TUT4: variants seen among roughly 807,000 people sequenced by gnomAD.
The protein encoded by TUT4 is terminal uridylyltransferase 4.
In TUT4, 36 loss-of-function variants were observed where a neutral mutation model predicts 192.2. The observed-to-expected ratio is 0.19, with a 90% confidence interval of 0.14 to 0.25. The LOEUF is 0.25. Ranked by LOEUF, TUT4 falls within the 10% of genes least tolerant of loss-of-function variation. The pLI is 1.00. For synonymous variants in TUT4, 618 were observed against 666.0 expected (o/e 0.93, Z 1.11); for missense variants, 1,493 against 1,957.2 (o/e 0.76, Z 4.47).
chr1:52,507,160 G>A (rs1329941993), intron 4 of TUT4, among the ~76,000 whole-genome samples: 1 of 152,144 alleles, frequency 6.6e-6, no homozygotes, highest in African/African-American at 2.4e-5. Flanking sequence ...TTCTTTCCCT[G>A]GGTTCAGGAA....
At chr1:52,518,145 A>C (rs1160626929) in intron 2 of TUT4, among the ~76,000 whole-genome samples, 1 of 152,230 alleles carries the variant, frequency 6.6e-6, no homozygotes, top group Non-Finnish European at 1.5e-5. Flanking sequence ...CTTGTACATG[A>C]ATGTTCATAG....
At chr1:52,525,417 A>G in intron 2 of TUT4, 146 bp downstream of exon 2, 2 of 1,065,814 alleles carry the variant, frequency 1.9e-6, no homozygotes, top group Non-Finnish European at 2.6e-6. Context: ...CCATTAATGC[A>G]AGTATTATTA....
chr1:52,531,424 A>G (rs1177462161), intron 1 of TUT4, among the ~76,000 whole-genome samples: 9 of 152,086 alleles, frequency 5.9e-5, no homozygotes, highest in Non-Finnish European at 1.2e-4. Flanking sequence ...AGCAGAAATG[A>G]AGGGACTTCT....
chr1:52,503,720 G>A (rs181251961), intron 4 of TUT4, among the ~76,000 whole-genome samples: 1 of 152,190 alleles, frequency 6.6e-6, no homozygotes, highest in East Asian at 1.9e-4. Context: ...CATCTTTTAA[G>A]CTTTTAGATT....
chr1:52,451,699 C>T (rs781531298), intron 20 of TUT4, among the ~76,000 whole-genome samples: 3 of 151,878 alleles, frequency 2.0e-5, no homozygotes, highest in Non-Finnish European at 4.4e-5. Context: ...AAAAATGAGC[C>T]GGGTATGGTG....
chr1:52,444,168 A>G (rs944729707), intron 24 of TUT4, among the ~76,000 whole-genome samples: 19 of 152,122 alleles, frequency 1.2e-4, no homozygotes, highest in African/African-American at 4.6e-4. Flanking sequence ...CAGGAGGCGG[A>G]GGTTGCAGTG....
At chr1:52,519,424 G>A (rs1679614705) in intron 2 of TUT4, among the ~76,000 whole-genome samples, 1 of 152,094 alleles carries the variant, frequency 6.6e-6, no homozygotes, top group African/African-American at 2.4e-5. Flanking sequence ...TGATGAAAAT[G>A]TTCAGAATTA....
At chr1:52,530,919 C>T (rs1399122296) in intron 1 of TUT4, among the ~76,000 whole-genome samples, 1 of 152,076 alleles carries the variant, frequency 6.6e-6, no homozygotes, top group Non-Finnish European at 1.5e-5. Context: ...AGGAGGATGG[C>T]TTGAGCCCAG....
chr1:52,461,116 T>C lies in TUT4; in HGVS notation c.3321+18A>G. 6.5e-7 allele frequency: 1 copy of C among 1,539,998 alleles called. No homozygotes were observed. The highest frequency in any genetic ancestry group is 8.8e-7 in the Non-Finnish European group (1 of 1,136,612). On this transcript the variant is annotated intron_variant, in intron 19 of 29. Transcript: ENST00000257177. ...AATTATCATGAACAAAGCAGATCAT[T>C]AATTTTTTCATAAATACCTTAGCAA... is the stretch of plus-strand genomic sequence containing the variant.
intron 26 of TUT4, 106 bp from the exon 27 acceptor site, chr1:52,435,571 A>C (rs1653485872): frequency 1.2e-6 from 1 of 853,984 alleles, no homozygotes. Flanking sequence ...TATCTCTGCA[A>C]TTTTATAAAC....
At chr1:52,550,869 T>C (rs1467762698) in intron 1 of TUT4, among the ~76,000 whole-genome samples, 2 of 152,188 alleles carry the variant, frequency 1.3e-5, no homozygotes, top group African/African-American at 2.4e-5. Context: ...TTCAAACACC[T>C]TTCTTGATCA....
chr1:52,523,841 T>C (rs1680961927), intron 2 of TUT4, among the ~76,000 whole-genome samples: 1 of 152,326 alleles, frequency 6.6e-6, no homozygotes, highest in Middle Eastern at 3.4e-3. Context: ...CCATCATCTG[T>C]GTACCACAAG....
At chr1:52,439,192 T>G (rs1391407479) in intron 24 of TUT4, among the ~76,000 whole-genome samples, 1 of 151,934 alleles carries the variant, frequency 6.6e-6, no homozygotes, top group Non-Finnish European at 1.5e-5. Context: ...GAATAGCCAC[T>G]GCACTCCAGC....
chr1:52,461,396 A>C (rs1662510624), intron 18 of TUT4, 117 bp downstream of exon 18: 2 of 1,153,940 alleles, frequency 1.7e-6, no homozygotes, highest in Non-Finnish European at 2.4e-6. Context: ...TATCAAGATA[A>C]CTAGTAAAAT....
chr1:52,493,404 C>T (rs1237219330), intron 7 of TUT4, among the ~76,000 whole-genome samples: 2 of 151,372 alleles, frequency 1.3e-5, no homozygotes, highest in African/African-American at 2.4e-5. Context: ...TTTAATATGG[C>T]ATTTTTTTTT....
intron 4 of TUT4, among the ~76,000 whole-genome samples, chr1:52,506,811 G>A (rs150665338): frequency 8.5e-5 from 13 of 152,162 alleles, no homozygotes; most frequent in African/African-American, 2.6e-4. Flanking sequence ...ATCATGATTT[G>A]TATTTTCCTG....
intron 20 of TUT4, among the ~76,000 whole-genome samples, chr1:52,451,397 C>T (rs376567133): frequency 1.3e-5 from 2 of 152,030 alleles, no homozygotes; most frequent in East Asian, 3.8e-4. Flanking sequence ...TCACTCCTAG[C>T]CAGGCTAATT....
At chr1:52,520,713 T>G (rs953077473) in intron 2 of TUT4, among the ~76,000 whole-genome samples, 1 of 152,202 alleles carries the variant, frequency 6.6e-6, no homozygotes, top group Non-Finnish European at 1.5e-5. Context: ...ATACCAACAG[T>G]AGCATCATTC....
chr1:52,475,604 T>C, intron 12 of TUT4, 69 bp from the exon 13 acceptor site: 2 of 1,373,370 alleles, frequency 1.5e-6, no homozygotes, highest in East Asian at 2.5e-5. Flanking sequence ...CTCATACAAG[T>C]AGATCTTAAC....
Sources: gnomAD v4.1 joint callset for allele counts (sites outside exome capture counted in the v4.1 genomes callset) on GRCh38, gnomAD v4.1.1 for gene constraint, MANE v1.5 for transcripts, NCBI Gene and HGNC (gene_info 2026-07-23, HGNC 2026-07-21) for gene names.